Variants in RESP18 observed in about 807,000 individuals in gnomAD.
The protein encoded by RESP18 is regulated endocrine specific protein 18.
A neutral mutation model predicts 30.0 loss-of-function variants in RESP18; 30 were observed. That is an observed-to-expected ratio of 1.00 (90% confidence interval 0.75 to 1.36). RESP18 has a LOEUF of 1.36. RESP18 is among the 40% of genes most tolerant of loss of function. The pLI is 0.00. For synonymous variants in RESP18, 117 were observed against 111.2 expected (o/e 1.05, Z -0.33); for missense variants, 320 against 284.2 (o/e 1.13, Z -0.91).
intron 2 of RESP18, among the ~76,000 whole-genome samples, chr2:219,331,749 G>A (rs1445881353): frequency 6.6e-6 from 1 of 152,210 alleles, no homozygotes; most frequent in Non-Finnish European, 1.5e-5. Flanking sequence ...GCCTGGCGCT[G>A]TCCGTGGTGC....
chr2:219,331,780 G>T (rs1952833934), intron 2 of RESP18, among the ~76,000 whole-genome samples: 1 of 152,234 alleles, frequency 6.6e-6, no homozygotes, highest in Non-Finnish European at 1.5e-5. Flanking sequence ...GGAGGCCAGC[G>T]TGGCGGCGGC....
At chr2:219,329,285 G>A in intron 4 of RESP18, 33 bp from the exon 4 acceptor site, 1 of 1,551,664 alleles carries the variant, frequency 6.4e-7, no homozygotes, top group South Asian at 1.2e-5. Flanking sequence ...TCAAGGAGGA[G>A]GCAGAAAAGG....
rs114554289 is a variant in RESP18 at position 219,331,145 on chromosome 2, G to C, written c.233-270C>G. On this transcript the variant is annotated intron_variant, in intron 2 of 6. Transcript: ENST00000333527. ...GAGCAGCCTGTAGAAGTTCAGATGC[G>C]CAGAGGCTCAGAAAGCTGAGCACAT... The C allele has an allele frequency of 2.8e-3, 974 of 344,748 alleles. 7 individuals are homozygous for C. Among genetic ancestry groups the C allele is most frequent in the African/African-American group, 0.02 (928 of 46,846 alleles). The allele number at this position is 344,748 out of a possible 1,614,324, so 21.4% of individuals were successfully genotyped here. A position where few individuals can be genotyped will look rare whatever the true frequency, so the allele number is the denominator to read the frequency against.
chr2:219,333,104 TATATATATATAATA>T, intron 1 of RESP18: 1 of 1,245,892 alleles, frequency 8.0e-7, no homozygotes, highest in Non-Finnish European at 1.1e-6. Flanking sequence ...ATCTGCTATA[TATATATATATAATA>T]TTATATATTA....
At chr2:219,328,582 T>C (rs1952796871) in intron 6 of RESP18, among the ~76,000 whole-genome samples, 1 of 152,250 alleles carries the variant, frequency 6.6e-6, no homozygotes, top group African/African-American at 2.4e-5. Flanking sequence ...CAGTCTTGGC[T>C]CTGCCACAAA....
intron 4 of RESP18, 190 bp downstream of exon 3, chr2:219,329,447 C>T: frequency 6.4e-7 from 1 of 1,550,972 alleles, no homozygotes; most frequent in Non-Finnish European, 8.7e-7. Context: ...AGGCTTGCCA[C>T]ACCCACCTCC....
intron 6 of RESP18, among the ~76,000 whole-genome samples, chr2:219,328,076 C>T (rs1328256940): frequency 6.6e-6 from 1 of 152,246 alleles, no homozygotes; most frequent in Non-Finnish European, 1.5e-5. Context: ...CCAGGATGAG[C>T]CCCTCCTTAC....
At chr2:219,328,280 A>G (rs780666524) in intron 6 of RESP18, among the ~76,000 whole-genome samples, 11 of 152,138 alleles carry the variant, frequency 7.2e-5, no homozygotes, top group Admixed American at 2.0e-4. Context: ...CCTGGGCCTA[A>G]TTCTCCACCC....
chr2:219,329,095 T>G, intron 5 of RESP18, 68 bp downstream of exon 4: 6 of 1,482,682 alleles, frequency 4.0e-6, no homozygotes, highest in Admixed American at 2.0e-5. Context: ...CAATGCCCAT[T>G]CCCTTCTTCC....
At position 219,329,688 on chromosome 2, in the gene RESP18, T is replaced by C. The variant is rs1339897532; in HGVS notation, c.414A>G (p.Gln138=). 1 of 1,551,604 alleles carries C rather than the reference T, an allele frequency of 6.4e-7. No homozygotes were observed. Residue 138 remains glutamine, a synonymous_variant, in exon 4 of 7, where the codon CAA becomes CAG. Transcript: ENST00000333527. The stretch of plus-strand genomic sequence containing the variant: ...CCTTCCCATCCTTCAGGCATGGTTC[T>C]TGGGGATGCAGTCTGCTGGCATGCT...
At chr2:219,332,117 C>G (rs933445776) in intron 2 of RESP18, among the ~76,000 whole-genome samples, 1 of 152,178 alleles carries the variant, frequency 6.6e-6, no homozygotes, top group Non-Finnish European at 1.5e-5. Context: ...TTATTGGAAA[C>G]CGGATCACAG....
chr2:219,327,928 G>T (rs1952790191), intron 6 of RESP18, among the ~76,000 whole-genome samples: 2 of 152,212 alleles, frequency 1.3e-5, no homozygotes, highest in Admixed American at 1.3e-4. Context: ...TATGGAAGTA[G>T]GAATCTGTTT....
intron 6 of RESP18, 130 bp from the exon 6 acceptor site, chr2:219,327,693 A>C: frequency 5.2e-6 from 4 of 766,536 alleles, no homozygotes; most frequent in Non-Finnish European, 9.0e-6. Flanking sequence ...GTGACAGCTC[A>C]CCAACTGAGA....
chr2:219,330,777 G>T lies in RESP18; in HGVS notation c.331C>A (p.Pro111Thr). ...TTCTCCAGCTTTTACTTACCTTGGG[G>T]TATAATCTGCTGGAGCACAACCTGT... is the stretch of plus-strand genomic sequence containing the variant. Residue 111 changes from proline to threonine, a missense_variant, in exon 3 of 7, where the codon CCC (proline) becomes ACC (threonine). Coordinates refer to ENST00000333527, the MANE Select transcript of RESP18 (RefSeq NM_001007089.4). The T allele has an allele frequency of 6.5e-7, 1 of 1,547,284 alleles. No homozygotes were observed. The highest frequency in any genetic ancestry group is 8.7e-7 in the Non-Finnish European group (1 of 1,143,264).
intron 4 of RESP18, 183 bp from the exon 4 acceptor site, chr2:219,329,435 C>T (rs747330690): frequency 1.3e-6 from 2 of 1,550,936 alleles, no homozygotes; most frequent in African/African-American, 1.4e-5. Context: ...CAAATTGGAC[C>T]TAGGCTTGCC....
At chr2:219,332,890 A>T (rs1376187574) in intron 1 of RESP18, among the ~76,000 whole-genome samples, 146 bp from the exon 1 acceptor site, 1 of 151,712 alleles carries the variant, frequency 6.6e-6, no homozygotes, top group Non-Finnish European at 1.5e-5. Context: ...CCCAAGAACC[A>T]CCGCCTGTAC....
At chr2:219,329,127 C>T (rs1952803582) in intron 5 of RESP18, 36 bp downstream of exon 4, 8 of 1,533,028 alleles carry the variant, frequency 5.2e-6, no homozygotes, top group Non-Finnish European at 7.1e-6. Context: ...CTCATTTAAA[C>T]AGGTCCAACC....
rs1243384874 is a variant in RESP18, at chr2:219,329,594, C to T, written c.465+43G>A. On this transcript the variant is annotated intron_variant, in intron 4 of 6. Coordinates refer to ENST00000333527, the MANE Select transcript of RESP18 (RefSeq NM_001007089.4). ...CACATTCCTTCCCTGTTCCGTCTGT[C>T]TGCCAGAATGCTTGGAATGACCACA... is the stretch of plus-strand genomic sequence containing the variant. The T allele has an allele frequency of 3.9e-6, 6 of 1,548,874 alleles. No individual in the cohort carries two copies. In the South Asian group the frequency reaches 6.0e-5, roughly 15 times the overall value.
chr2:219,332,636 A>C lies in RESP18; in HGVS notation c.120T>G (p.Pro40=). Residue 40 remains proline (P), a synonymous_variant, in exon 2 of 7, where the codon CCT becomes CCG. Coordinates refer to ENST00000333527, the MANE Select transcript of RESP18 (RefSeq NM_001007089.4). ...GCCACAGTGGGTGCTGTATCCTCCC[A>C]GGCTCGGCGCGCTCACTCCCCGGCC... 1.9e-6 allele frequency: 3 copies of C among 1,551,292 alleles called. No individual in the cohort carries two copies. Among genetic ancestry groups the C allele is most frequent in the Non-Finnish European group, 2.6e-6 (3 of 1,146,936 alleles).
Sources: allele counts gnomAD v4.1 joint callset (sites outside exome capture counted in the v4.1 genomes callset), GRCh38; gene constraint gnomAD v4.1.1; transcripts MANE v1.5; gene names NCBI Gene and HGNC (gene_info 2026-07-23, HGNC 2026-07-21).